COL27A1: variants seen among roughly 807,000 people sequenced by gnomAD.
The protein encoded by COL27A1 is collagen alpha-1(XXVII) chain.
A neutral mutation model predicts 251.3 loss-of-function variants in COL27A1; 106 were observed. The ratio of observed to expected loss-of-function variants is 0.42; its 90% confidence interval spans 0.36 to 0.50. The LOEUF (loss-of-function observed/expected upper bound fraction) is 0.50, where lower values mean the gene tolerates loss of function less well. Among genes scored for constraint, COL27A1 ranks in the 20% least tolerant of loss-of-function variants. The pLI is 0.00. For synonymous variants in COL27A1, 1,000 were observed against 986.3 expected, an observed-to-expected ratio of 1.01 and a Z score of -0.26; for missense variants, 2,325 against 2,522.8, an observed-to-expected ratio of 0.92 and a Z score of 1.68.
intron 36 of COL27A1, chr9:114,273,717 CTT>C (rs1835302010): frequency 6.6e-6 from 1 of 152,386 alleles, no homozygotes; most frequent in African/African-American, 2.4e-5. Context: ...CAAGCCTGCT[CTT>C]CTCGCCCATC....
chr9:114,215,431 G>A (rs1451859636), intron 12 of COL27A1, among the ~76,000 whole-genome samples: 2 of 152,234 alleles, frequency 1.3e-5, no homozygotes, highest in East Asian at 3.8e-4. Context: ...GACCCAGGCT[G>A]TTGGTGCCCC....
intron 16 of COL27A1, among the ~76,000 whole-genome samples, chr9:114,233,851 GA>G (rs1205175280): frequency 6.6e-6 from 1 of 152,196 alleles, no homozygotes. Flanking sequence ...AAAAGAGAGA[GA>G]GGGGGAGAAA....
chr9:114,208,681 G>C (rs1830143048), intron 10 of COL27A1, among the ~76,000 whole-genome samples: 1 of 152,136 alleles, frequency 6.6e-6, no homozygotes, highest in South Asian at 2.1e-4. Context: ...AAGTTCCCAG[G>C]CTAATGAGGA....
intron 36 of COL27A1, chr9:114,272,541 G>C (rs567775826): frequency 1.3e-5 from 2 of 152,290 alleles, no homozygotes; most frequent in Admixed American, 6.5e-5. Context: ...TGAAAACTGC[G>C]TCTCGAATAT....
At chr9:114,167,280 A>T (rs1236493794) in intron 2 of COL27A1, among the ~76,000 whole-genome samples, 1 of 152,228 alleles carries the variant, frequency 6.6e-6, no homozygotes, top group African/African-American at 2.4e-5. Context: ...CTTCTTTTGT[A>T]CCAGGCACTT....
At chr9:114,301,491 G>A (rs781039529) in intron 54 of COL27A1, 29 bp downstream of exon 54, 1 of 1,601,088 alleles carries the variant, frequency 6.2e-7, no homozygotes, top group Admixed American at 1.7e-5. Context: ...AGGGCTGTGG[G>A]GCGGGGCGTG....
chr9:114,233,367 T>C (rs1184757529), intron 16 of COL27A1, among the ~76,000 whole-genome samples: 1 of 152,178 alleles, frequency 6.6e-6, no homozygotes, highest in African/African-American at 2.4e-5. Flanking sequence ...CCAACCCCAG[T>C]CCTTTCTCTA....
intron 49 of COL27A1, among the ~76,000 whole-genome samples, chr9:114,297,633 C>T (rs1017315959): frequency 6.6e-6 from 1 of 152,142 alleles, no homozygotes; most frequent in Admixed American, 6.6e-5. Flanking sequence ...AACACCCTTT[C>T]GTGATGAAAA....
At chr9:114,279,083 C>T (rs1271328140) in intron 37 of COL27A1, among the ~76,000 whole-genome samples, 1 of 152,180 alleles carries the variant, frequency 6.6e-6, no homozygotes, top group Non-Finnish European at 1.5e-5. Context: ...ACTGACTCAT[C>T]TCGCCTTCTG....
intron 6 of COL27A1, 114 bp downstream of exon 6, chr9:114,194,571 G>A (rs1384759583): frequency 2.1e-6 from 2 of 940,832 alleles, no homozygotes; most frequent in Non-Finnish European, 1.7e-6. Context: ...AGGCAGGGAG[G>A]TGGGAACATC....
chr9:114,205,936 AG>A (rs1829921550), intron 9 of COL27A1, 124 bp downstream of exon 9: 3 of 848,574 alleles, frequency 3.5e-6, no homozygotes, highest in African/African-American at 1.7e-5. Context: ...GTGGACCCTA[AG>A]GAGGGGGCTT....
intron 49 of COL27A1, 101 bp downstream of exon 49, chr9:114,292,311 A>G (rs531320162): frequency 1.2e-4 from 113 of 949,892 alleles, no homozygotes; most frequent in Admixed American, 4.2e-4. Context: ...ACACACACAC[A>G]AACACACTGA....
At chr9:114,258,762 G>A (rs979034805) in intron 28 of COL27A1, among the ~76,000 whole-genome samples, 168 bp downstream of exon 28, 3 of 152,180 alleles carry the variant, frequency 2.0e-5, no homozygotes, top group African/African-American at 4.8e-5. Context: ...TGTCTCTAGG[G>A]GTGGGACCCC....
chr9:114,288,591 G>T (rs766621833), intron 42 of COL27A1, 80 bp downstream of exon 42: 221 of 1,539,612 alleles, frequency 1.4e-4, no homozygotes, highest in Non-Finnish European at 1.9e-4. Flanking sequence ...GGGGTGGGCC[G>T]ATCAGGGGCC....
chr9:114,254,723 G>A (rs1182278454), intron 27 of COL27A1, among the ~76,000 whole-genome samples: 1 of 152,206 alleles, frequency 6.6e-6, no homozygotes, highest in East Asian at 1.9e-4. Context: ...GTTCTCTACT[G>A]TGATTAGGGA....
At chr9:114,201,875 G>T (rs144942680) in intron 7 of COL27A1, among the ~76,000 whole-genome samples, 7 of 152,192 alleles carry the variant, frequency 4.6e-5, no homozygotes, top group Non-Finnish European at 5.9e-5. Context: ...AGGCCTCAAT[G>T]AGCATGTTTC....
chr9:114,186,279 G>A (rs892533964), intron 5 of COL27A1, among the ~76,000 whole-genome samples: 11 of 152,256 alleles, frequency 7.2e-5, no homozygotes, highest in Admixed American at 5.9e-4. Flanking sequence ...AGGCAGAGAA[G>A]CTAGGACCCT....
chr9:114,301,423 C>A, intron 53 of COL27A1, 22 bp from the exon 54 acceptor site: 1 of 1,612,282 alleles, frequency 6.2e-7, no homozygotes, highest in Non-Finnish European at 8.5e-7. Flanking sequence ...TAACTCTCTC[C>A]CCTGCTTCTG....
In COL27A1 at chr9:114,247,540, G is replaced by T. The variant is rs139267970; in HGVS notation, c.2979+1630G>T. 2.6e-5 allele frequency among the ~76,000 whole-genome samples: 4 copies of T among 152,334 alleles called. No individual in the cohort carries two copies. The East Asian group carries it at 7.7e-4, about 29-fold the overall frequency. On this transcript the variant is annotated intron_variant, in intron 24 of 60. Coordinates refer to ENST00000356083, the MANE Select transcript of COL27A1 (RefSeq NM_032888.4). Reference sequence around the variant, plus strand: ...TCTGGGATTTATGGAGGAGAAGCACGTTTGACCAAGATCACCAAGTGGGAT... The same window carrying T: ...TCTGGGATTTATGGAGGAGAAGCACTTTTGACCAAGATCACCAAGTGGGAT...
Sources: allele counts gnomAD v4.1 joint callset (sites outside exome capture counted in the v4.1 genomes callset), GRCh38; gene constraint gnomAD v4.1.1; transcripts MANE v1.5; gene names NCBI Gene and HGNC (gene_info 2026-07-23, HGNC 2026-07-21).